IFI44: variants seen among roughly 807,000 people sequenced by gnomAD.
IFI44 encodes the protein interferon-induced protein 44.
In IFI44, 42 loss-of-function variants were observed where a neutral mutation model predicts 45.0. That is an observed-to-expected ratio of 0.93 (90% CI 0.73 to 1.21). The LOEUF is 1.21. IFI44 is among the 50% of genes most tolerant of loss of function. The pLI, the probability that IFI44 is intolerant of heterozygous loss-of-function variation, is 0.00. For synonymous variants in IFI44, 221 were observed against 188.6 expected (o/e 1.17, Z -1.41); for missense variants, 623 against 525.8 (o/e 1.18, Z -1.81).
At position 78,663,945 on chromosome 1, in the gene IFI44, T is replaced by C. The variant is rs1432539973; in HGVS notation, c.*134T>C. The C allele has an allele frequency of 1.3e-5, 8 of 605,756 alleles. No individual in the cohort carries two copies. Among genetic ancestry groups the C allele is most frequent in the Non-Finnish European group, 2.2e-5 (8 of 367,622 alleles). 37.5% of individuals were successfully genotyped at this position (605,756 alleles called of 1,614,324 possible). On this transcript the variant is annotated 3_prime_UTR_variant, in exon 9 of 9. Coordinates refer to ENST00000370747, the MANE Select transcript of IFI44 (RefSeq NM_006417.5). ...TTAATGTCTAGGATGAAGAAATGCA[T>C]AGAACATTGTAGTACTTGTAAATAA...
chr1:78,663,770 C>G lies in IFI44; in HGVS notation c.1294C>G (p.Leu432Val). The G allele has an allele frequency of 6.2e-7, 1 of 1,611,590 alleles. No homozygotes were observed. Among genetic ancestry groups the G allele is most frequent in the Non-Finnish European group, 8.5e-7 (1 of 1,179,156 alleles). The change falls in exon 9 of 9, where the codon CTA (leucine) becomes GTA (valine). Residue 432 changes from leucine (L) to valine (V), a missense_variant. Coordinates refer to ENST00000370747, the MANE Select transcript of IFI44 (RefSeq NM_006417.5). Reference protein sequence around the residue: ...EDLPFEQIGNLREEIINCAQG... With the variant: ...EDLPFEQIGNVREEIINCAQG... ...TTTTGTGTTTCTTTTCTCAGGGAAT[C>G]TAAGGGAGGAAATTATCAACTGTGC...
Position 78,662,767 on chromosome 1 carries a change from T to C in IFI44, c.1177T>C (p.Ser393Pro), listed in dbSNP as rs1206152556. Residue 393 changes from serine (S) to proline (P), a missense_variant, in exon 8 of 9, where the codon TCC (serine) becomes CCC (proline). Transcript: ENST00000370747. The part of the protein sequence containing the change: ...LSDISVVSNY[S>P]SEWELDPVKD... Reference sequence around the variant, plus strand: ...TGACATCTCGGTGGTTAGCAATTATTCCTCTGAGTGGGAGCTGGACCCTGT... The same window carrying C: ...TGACATCTCGGTGGTTAGCAATTATCCCTCTGAGTGGGAGCTGGACCCTGT... 3 of 1,610,106 alleles carry C rather than the reference T, an allele frequency of 1.9e-6. No homozygotes were observed. The highest frequency in any genetic ancestry group is 2.5e-6 in the Non-Finnish European group (3 of 1,178,348).
At chr1:78,651,969 A>C (rs1322027679) in intron 2 of IFI44, among the ~76,000 whole-genome samples, 2 of 152,198 alleles carry the variant, frequency 1.3e-5, no homozygotes, top group Non-Finnish European at 2.9e-5. Context: ...TTTAAGGGCC[A>C]GAAAAATAGG....
chr1:78,652,443 A>G (rs1647139493), intron 2 of IFI44, among the ~76,000 whole-genome samples: 1 of 152,214 alleles, frequency 6.6e-6, no homozygotes, highest in South Asian at 2.1e-4. Context: ...GACGTTCAAG[A>G]GATGTGTAGT....
rs181332399 is a variant in IFI44 at position 78,655,103 on chromosome 1, T to C, written c.584T>C (p.Ile195Thr). Residue 195 changes from isoleucine to threonine, a missense_variant, in exon 4 of 9, where the codon ATT (isoleucine) becomes ACT (threonine). Coordinates refer to ENST00000370747, the MANE Select transcript of IFI44 (RefSeq NM_006417.5). ...QQIRILLLGP[I>T]GAGKSSFFNS... Reference sequence around the variant, plus strand: ...ATACGAATTCTGCTGCTGGGTCCAATTGGAGCTGGGAAGTCCAGCTTTTTC... The same window carrying C: ...ATACGAATTCTGCTGCTGGGTCCAACTGGAGCTGGGAAGTCCAGCTTTTTC... 284 of 1,613,930 alleles carry C rather than the reference T, an allele frequency of 1.8e-4. No individual in the cohort carries two copies. Among genetic ancestry groups the C allele is most frequent in the Non-Finnish European group, 2.0e-4 (240 of 1,179,874 alleles).
chr1:78,663,132 C>T lies in IFI44; in HGVS notation c.1288+254C>T, dbSNP rs144724303. On this transcript the variant is annotated intron_variant, in intron 8 of 8. Coordinates refer to ENST00000370747, the MANE Select transcript of IFI44 (RefSeq NM_006417.5). ...AGATGAAAGTTTTAAAATAATCCAC[C>T]TCTGTCATTTCCACTCTCTGAACAT... The T allele has an allele frequency of 3.4e-4, 336 of 985,208 alleles. 3 individuals are homozygous for T. The African/African-American group carries it at 5.1e-3, about 15-fold the overall frequency. 61.0% of individuals were successfully genotyped at this position (985,208 alleles called of 1,614,324 possible).
intron 2 of IFI44, among the ~76,000 whole-genome samples, chr1:78,652,641 C>G (rs1334197069): frequency 1.3e-5 from 2 of 152,180 alleles, no homozygotes; most frequent in Admixed American, 6.5e-5. Flanking sequence ...TATTTTTGTA[C>G]GTAGCAATAG....
At chr1:78,661,192 G>A (rs754088696) in intron 7 of IFI44, among the ~76,000 whole-genome samples, 4 of 152,076 alleles carry the variant, frequency 2.6e-5, no homozygotes, top group Non-Finnish European at 2.9e-5. Flanking sequence ...TCTCTCAGCA[G>A]CTGGGATTAC....
In IFI44 at chr1:78,649,940, A is replaced by G. The variant is rs1438090774; in HGVS notation, c.-11+35A>G. The stretch of plus-strand genomic sequence containing the variant: ...TTTCTGCTTTTCATTTTTCCTAGCT[A>G]GCATTAGTCTCTCTCTGTCTCTCTC... On this transcript the variant is annotated intron_variant, in intron 1 of 8. Transcript: ENST00000370747. 59 of 319,234 alleles carry G rather than the reference A, an allele frequency of 1.8e-4. No individual in the cohort carries two copies. In the East Asian group the frequency reaches 3.1e-3, roughly 17 times the overall value. The allele number at this position is 319,234 out of a possible 1,614,324, so 19.8% of individuals were successfully genotyped here.
chr1:78,663,287 A>G (rs1387990107), intron 8 of IFI44: 1 of 983,464 alleles, frequency 1.0e-6, no homozygotes, highest in African/African-American at 1.8e-5. Context: ...AGGACCTTAC[A>G]CTCCTGTCTT....
At position 78,663,797 on chromosome 1, in the gene IFI44, C is replaced by A. The variant is rs1349985186; in HGVS notation, c.1321C>A (p.Gln441Lys). The A allele has an allele frequency of 6.2e-7, 1 of 1,610,382 alleles. No homozygotes were observed. The highest frequency in any genetic ancestry group is 8.5e-7 in the Non-Finnish European group (1 of 1,178,678). Residue 441 changes from glutamine (Q) to lysine (K), a missense_variant, in exon 9 of 9, where the codon CAA becomes AAA. Gln to Lys is a moderately conservative substitution (Grantham distance 53). Transcript: ENST00000370747. Reference protein sequence around the residue: ...NLREEIINCAQGKK With the variant: ...NLREEIINCAKGKK ...AAGGGAGGAAATTATCAACTGTGCA[C>A]AAGGAAAAAAATAGATATGTGAAAG...
intron 5 of IFI44, among the ~76,000 whole-genome samples, chr1:78,657,491 A>G (rs1288683527): frequency 6.6e-6 from 1 of 152,046 alleles, no homozygotes; most frequent in Non-Finnish European, 1.5e-5. Context: ...ATTATATGAA[A>G]CCATGCACAA....
At chr1:78,662,432 G>A (rs1332412382) in intron 7 of IFI44, among the ~76,000 whole-genome samples, 1 of 152,160 alleles carries the variant, frequency 6.6e-6, no homozygotes, top group Admixed American at 6.5e-5. Context: ...AAAAGAAACA[G>A]GAAATATATG....
At chr1:78,661,404 A>G (rs959100257) in intron 7 of IFI44, among the ~76,000 whole-genome samples, 2 of 152,024 alleles carry the variant, frequency 1.3e-5, no homozygotes, top group African/African-American at 2.4e-5. Flanking sequence ...GAACTCACAG[A>G]TGCAGAACCC....
Position 78,659,335 on chromosome 1 carries a change from A to T in IFI44, c.864A>T (p.Lys288Asn). The T allele has an allele frequency of 6.2e-7, 1 of 1,612,914 alleles. No individual in the cohort carries two copies. Among genetic ancestry groups the T allele is most frequent in the Non-Finnish European group, 8.5e-7 (1 of 1,179,090 alleles). The change falls in exon 6 of 9, where the codon AAA becomes AAT. Residue 288 changes from lysine (K) to asparagine (N), a missense_variant. Coordinates refer to ENST00000370747, the MANE Select transcript of IFI44 (RefSeq NM_006417.5). ...RYQFNPMESIKLNHHDYIDSP... is the reference protein window; with the variant it reads ...RYQFNPMESINLNHHDYIDSP... ...AGTTTAATCCCATGGAATCAATCAA[A>T]TTAAATCATCATGACTACATTGATT... is the stretch of plus-strand genomic sequence containing the variant.
At chr1:78,655,909 T>C (rs1647200633) in intron 5 of IFI44, among the ~76,000 whole-genome samples, 1 of 152,184 alleles carries the variant, frequency 6.6e-6, no homozygotes, top group Non-Finnish European at 1.5e-5. Context: ...ATTTATATGT[T>C]GAAGTCCCTA....
rs756018598 is a variant in IFI44, at chr1:78,654,276, TTGAG to T, written c.493_494+2del. 3 of 1,465,612 alleles carry T rather than the reference TTGAG, an allele frequency of 2.0e-6. No individual in the cohort carries two copies. The highest frequency in any genetic ancestry group is 2.9e-6 in the Non-Finnish European group (3 of 1,046,496). The allele number at this position is 1,465,612 out of a possible 1,614,324, so 90.8% of individuals were successfully genotyped here. A position where few individuals can be genotyped will look rare whatever the true frequency, so the allele number is the denominator to read the frequency against. ...GATGAAAGAAAGATAAAAGGGGTCA[TTGAG>T]TAAGTCAATGTTTTTAAGATTCTAT... is the stretch of plus-strand genomic sequence containing the variant. On this transcript the variant is annotated splice_donor_variant and coding_sequence_variant, in exon 3 of 9. Transcript: ENST00000370747. LOFTEE classifies it high-confidence loss of function.
chr1:78,654,355 A>T (rs1441166208), intron 3 of IFI44, 76 bp downstream of exon 3: 8 of 760,838 alleles, frequency 1.1e-5, no homozygotes, highest in Non-Finnish European at 1.8e-5. Flanking sequence ...TCATCAATAT[A>T]ATTGGCAACA....
Position 78,655,463 on chromosome 1 carries a change from G to A in IFI44, c.792G>A (p.Arg264=). 6.2e-7 allele frequency: 1 copy of A among 1,613,758 alleles called. No individual in the cohort carries two copies. The highest frequency in any genetic ancestry group is 1.3e-5 in the African/African-American group (1 of 75,014). ...GLSEKEGGLC[R]DDIFYILNGN... is the part of the protein sequence containing the mutation. Reference sequence around the variant, plus strand: ...GTGAGAAAGAAGGCGGCCTGTGCAGGGATGACATATTCTATATCTTGAACG... The same window carrying A: ...GTGAGAAAGAAGGCGGCCTGTGCAGAGATGACATATTCTATATCTTGAACG... Residue 264 remains arginine, a synonymous_variant, in exon 5 of 9, where the codon AGG becomes AGA. Coordinates refer to ENST00000370747, the MANE Select transcript of IFI44 (RefSeq NM_006417.5).
Sources: gnomAD v4.1 joint callset for allele counts (sites outside exome capture counted in the v4.1 genomes callset) on GRCh38, gnomAD v4.1.1 for gene constraint, MANE v1.5 for transcripts, NCBI Gene and HGNC (gene_info 2026-07-23, HGNC 2026-07-21) for gene names.